The following HTR2C variants were observed in gnomAD, a reference collection of about 807,000 sequenced individuals.
The protein encoded by HTR2C is 5-hydroxytryptamine receptor 2C, also known as 5-hydroxytryptamine (serotonin) receptor 2C, G protein-coupled.
A neutral mutation model predicts 21.0 loss-of-function variants in HTR2C; 5 were observed. The ratio of observed to expected loss-of-function variants is 0.24; its 90% CI spans 0.12 to 0.50. The LOEUF is 0.50. Among genes scored for constraint, HTR2C ranks in the 20% least tolerant of loss-of-function variants. The probability of loss-of-function intolerance (pLI) is 0.98; values close to 1 mark genes in which losing one functional copy is unlikely to be tolerated. For missense variants in HTR2C, 271 were observed against 371.2 expected, an observed-to-expected ratio of 0.73 and a Z score of 2.22; for synonymous variants, 150 against 145.3, an observed-to-expected ratio of 1.03 and a Z score of -0.23.
intron 1 of HTR2C, among the ~76,000 whole-genome samples, chrX:114,604,170 G>A (rs1556395932): frequency 9.2e-6 from 1 of 109,132 alleles, no homozygotes; most frequent in Non-Finnish European, 1.9e-5. Flanking sequence ...ACAAGAGGAG[G>A]ACGCAAAGGA....
At chrX:114,737,229 C>CTTTTTTTT (rs200101973) in intron 4 of HTR2C, among the ~76,000 whole-genome samples, 2 of 97,289 alleles carry the variant, frequency 2.1e-5, no homozygotes, top group African/African-American at 7.7e-5. Flanking sequence ...CTTTTCTTTT[C>CTTTTTTTT]TTTTTTTTTT....
At chrX:114,660,543 TA>T (rs1423149278) in intron 2 of HTR2C, among the ~76,000 whole-genome samples, 1 of 112,733 alleles carries the variant, frequency 8.9e-6, no homozygotes, top group Non-Finnish European at 1.9e-5. Flanking sequence ...TAAATGGTAT[TA>T]TTTCCATTGA....
chrX:114,585,504 C>T (rs1177297999), intron 1 of HTR2C, among the ~76,000 whole-genome samples: 1 of 111,656 alleles, frequency 9.0e-6, no homozygotes, highest in Non-Finnish European at 1.9e-5. Context: ...CAGCGTTCCT[C>T]GGAATTGCTA....
rs1699630628 is a variant in HTR2C, at chrX:114,909,654, G to A, written c.*2239G>A. The stretch of plus-strand genomic sequence containing the variant: ...TTGTTAATGATTCTTGTGTCATCAA[G>A]TAGTAGTACTTAATAGTACCCAACC... On this transcript the variant is annotated 3_prime_UTR_variant, in exon 6 of 6. Transcript: ENST00000276198. 1 of 112,560 alleles carries A rather than the reference G, an allele frequency of 8.9e-6. No individual in the cohort carries two copies. The highest frequency in any genetic ancestry group is 3.2e-5 in the African/African-American group (1 of 30,895). The allele number at this position is 112,560 out of a possible 1,213,427, so 9.3% of individuals were successfully genotyped here.
At chrX:114,615,806 A>G (rs782085567) in intron 2 of HTR2C, among the ~76,000 whole-genome samples, 1 of 111,978 alleles carries the variant, frequency 8.9e-6, no homozygotes, top group African/African-American at 3.2e-5. Flanking sequence ...CTCTTTGTAC[A>G]CACACCTGTT....
At chrX:114,812,118 A>T (rs782122881) in intron 4 of HTR2C, among the ~76,000 whole-genome samples, 13 of 107,082 alleles carry the variant, frequency 1.2e-4, no homozygotes, top group Non-Finnish European at 1.9e-4. Context: ...CCACAACAGG[A>T]CCCAGTGTGT....
chrX:114,605,341 G>A (rs1376547600), intron 1 of HTR2C, among the ~76,000 whole-genome samples: 2 of 109,786 alleles, frequency 1.8e-5, no homozygotes, highest in Non-Finnish European at 1.9e-5. Flanking sequence ...GACCTAGCTC[G>A]GCATGGCGAG....
chrX:114,638,647 G>T (rs1556405797), intron 2 of HTR2C, among the ~76,000 whole-genome samples: 1 of 102,623 alleles, frequency 9.7e-6, no homozygotes. Flanking sequence ...CTAGCATTAG[G>T]TATATCTCCC....
In HTR2C at chrX:114,726,975, A is replaced by G; in HGVS notation, c.35+4A>G. On this transcript the variant is annotated splice_donor_region_variant and intron_variant, in intron 3 of 5. Coordinates refer to ENST00000276198, the MANE Select transcript of HTR2C (RefSeq NM_000868.4). ...GGAATGCGGTGCATTCATTCCTGTA[A>G]GGATGTTACTACTTATTATTTTAGT... The G allele has an allele frequency of 9.4e-7, 1 of 1,065,857 alleles. No homozygotes were observed. The highest frequency in any genetic ancestry group is 1.3e-6 in the Non-Finnish European group (1 of 796,725). 87.8% of individuals were successfully genotyped at this position (1,065,857 alleles called of 1,213,427 possible).
intron 1 of HTR2C, among the ~76,000 whole-genome samples, chrX:114,590,493 A>G (rs1487896666): frequency 5.4e-5 from 6 of 111,580 alleles, no homozygotes; most frequent in African/African-American, 2.0e-4. Context: ...GCCCACATAT[A>G]TGATAAGTGC....
At chrX:114,602,510 C>T (rs1439633197) in intron 1 of HTR2C, among the ~76,000 whole-genome samples, 18 of 56,177 alleles carry the variant, frequency 3.2e-4, no homozygotes, top group African/African-American at 6.3e-4. Flanking sequence ...TTTAAAAGAC[C>T]TTTAGTCCAT....
intron 2 of HTR2C, among the ~76,000 whole-genome samples, chrX:114,711,999 A>G (rs1932899448): frequency 8.9e-6 from 1 of 112,132 alleles, no homozygotes. Context: ...AAAGAAAATA[A>G]TGGCTCTTTG....
intron 1 of HTR2C, among the ~76,000 whole-genome samples, chrX:114,587,620 ATTAT>A (rs1927455148): frequency 8.9e-6 from 1 of 112,159 alleles, no homozygotes; most frequent in Non-Finnish European, 1.9e-5. Context: ...AGCAACATTT[ATTAT>A]TTATTTGTTA....
chrX:114,626,490 A>T (rs1387954506), intron 2 of HTR2C, among the ~76,000 whole-genome samples: 1 of 112,192 alleles, frequency 8.9e-6, no homozygotes, highest in African/African-American at 3.2e-5. Flanking sequence ...TGTAACAAAC[A>T]TCCCTTGCCA....
intron 4 of HTR2C, among the ~76,000 whole-genome samples, chrX:114,778,992 A>G (rs2070088243): frequency 8.9e-6 from 1 of 112,259 alleles, no homozygotes; most frequent in African/African-American, 3.2e-5. Flanking sequence ...AACAGAATTA[A>G]AAGTTCCGTA....
At chrX:114,667,854 A>C (rs1195055752) in intron 2 of HTR2C, among the ~76,000 whole-genome samples, 6 of 111,853 alleles carry the variant, frequency 5.4e-5, no homozygotes, top group Non-Finnish European at 1.1e-4. Flanking sequence ...AAAGGCAATG[A>C]TATATTTATT....
intron 2 of HTR2C, among the ~76,000 whole-genome samples, chrX:114,614,734 T>G (rs1401632456): frequency 9.0e-6 from 1 of 111,414 alleles, no homozygotes; most frequent in African/African-American, 3.3e-5. Flanking sequence ...CAAAAGGGAG[T>G]ATCATTTATA....
intron 2 of HTR2C, among the ~76,000 whole-genome samples, chrX:114,630,031 A>G (rs782147508): frequency 3.3e-4 from 37 of 111,126 alleles, no homozygotes; most frequent in Admixed American, 3.3e-3. Context: ...TTCAGCGATA[A>G]CCAAGAGAAA....
chrX:114,795,662 A>T (rs2070285320), intron 4 of HTR2C, among the ~76,000 whole-genome samples: 1 of 111,685 alleles, frequency 9.0e-6, no homozygotes, highest in Non-Finnish European at 1.9e-5. Context: ...TTTATCAAAG[A>T]TCAGATAGTT....
Sources: gnomAD v4.1 joint callset for allele counts (sites outside exome capture counted in the v4.1 genomes callset) on GRCh38, gnomAD v4.1.1 for gene constraint, MANE v1.5 for transcripts, NCBI Gene and HGNC (gene_info 2026-07-23, HGNC 2026-07-21) for gene names.